PPP1R1C: variants seen among roughly 807,000 people sequenced by gnomAD.
PPP1R1C encodes protein phosphatase 1 regulatory inhibitor subunit 1C, also known as protein phosphatase 1 regulatory subunit 1C.
A neutral mutation model predicts 17.4 loss-of-function variants in PPP1R1C; 15 were observed. The ratio of observed to expected loss-of-function variants is 0.86; its 90% confidence interval spans 0.58 to 1.33. The LOEUF is 1.33. Ranked by LOEUF, PPP1R1C falls within the 40% of genes most tolerant of loss-of-function variation. The pLI is 0.00. For synonymous variants in PPP1R1C, 35 were observed against 43.1 expected (o/e 0.81, Z 0.73); for missense variants, 143 against 130.0 (o/e 1.10, Z -0.48).
chr2:182,018,144 A>G (rs1258237134), intron 2 of PPP1R1C, among the ~76,000 whole-genome samples: 2 of 152,204 alleles, frequency 1.3e-5, no homozygotes, highest in East Asian at 3.8e-4. Flanking sequence ...ACTTTATACT[A>G]TAAAGCTCTC....
chr2:182,026,686 A>G (rs1377943540), intron 2 of PPP1R1C, among the ~76,000 whole-genome samples: 27 of 152,230 alleles, frequency 1.8e-4, no homozygotes, highest in South Asian at 8.3e-4. Flanking sequence ...TTGACTTGGC[A>G]ATGCGGGCTC....
At chr2:181,984,714 T>A (rs1222405818), upstream of PPP1R1C, among the ~76,000 whole-genome samples, 2 of 152,186 alleles carry the variant, frequency 1.3e-5, no homozygotes, top group Non-Finnish European at 2.9e-5. Context: ...AATCAAAATT[T>A]AAAAAATAAA....
chr2:182,082,972 G>A (rs975107804), intron 4 of PPP1R1C, among the ~76,000 whole-genome samples: 1 of 152,090 alleles, frequency 6.6e-6, no homozygotes, highest in African/African-American at 2.4e-5. Flanking sequence ...CAGATATTTG[G>A]GAACACTGTT....
intron 4 of PPP1R1C, among the ~76,000 whole-genome samples, chr2:182,092,103 A>T (rs1453313322): frequency 6.6e-6 from 1 of 152,204 alleles, no homozygotes. Flanking sequence ...AGAGTGTATT[A>T]GTCCGTTTTC....
chr2:182,007,889 C>G (rs572132973), intron 2 of PPP1R1C, among the ~76,000 whole-genome samples: 1 of 151,996 alleles, frequency 6.6e-6, no homozygotes, highest in African/African-American at 2.4e-5. Context: ...GGTGAAACCC[C>G]GTCTCTGCTA....
chr2:182,001,303 AT>A (rs1379205801), intron 2 of PPP1R1C, among the ~76,000 whole-genome samples: 1 of 152,112 alleles, frequency 6.6e-6, no homozygotes, highest in Non-Finnish European at 1.5e-5. Context: ...CATAATAATG[AT>A]TTTGGGACTT....
intron 2 of PPP1R1C, among the ~76,000 whole-genome samples, chr2:182,017,413 C>T (rs1021455791): frequency 1.3e-5 from 2 of 151,982 alleles, no homozygotes; most frequent in Non-Finnish European, 2.9e-5. Context: ...TTTTATATAA[C>T]TTACTTCAAA....
chr2:182,109,569 C>T (rs1417011713), intron 4 of PPP1R1C, among the ~76,000 whole-genome samples: 1 of 152,058 alleles, frequency 6.6e-6, no homozygotes, highest in Non-Finnish European at 1.5e-5. Flanking sequence ...ATGTGGATGT[C>T]CAGTTGTTCA....
chr2:182,021,321 CTTTTTTTTTTTTTT>C (rs71008205), intron 2 of PPP1R1C, among the ~76,000 whole-genome samples: 2 of 89,658 alleles, frequency 2.2e-5, no homozygotes, highest in Non-Finnish European at 2.2e-5. Context: ...CTCTCTCTCT[CTTTTTTTTTTTTTT>C]TTTTTTTTTT....
intron 2 of PPP1R1C, among the ~76,000 whole-genome samples, chr2:182,049,175 CAA>C (rs1687433353): frequency 6.6e-6 from 1 of 151,840 alleles, no homozygotes; most frequent in Non-Finnish European, 1.5e-5. Flanking sequence ...TCTACTAATA[CAA>C]AAGTGAGCTG....
chr2:182,028,122 C>G (rs1349145157), intron 2 of PPP1R1C, among the ~76,000 whole-genome samples: 1 of 139,656 alleles, frequency 7.2e-6, no homozygotes, highest in African/African-American at 2.7e-5. Context: ...CTTAGTCTTG[C>G]TAGCGGTCTA....
intron 2 of PPP1R1C, among the ~76,000 whole-genome samples, chr2:181,978,649 T>C (rs948026639): frequency 6.6e-6 from 1 of 152,134 alleles, no homozygotes; most frequent in African/African-American, 2.4e-5. Context: ...GGAGGGGTGT[T>C]ACACAGGAAC....
intron 2 of PPP1R1C, among the ~76,000 whole-genome samples, chr2:182,057,848 G>A (rs1687733361): frequency 6.6e-6 from 1 of 151,962 alleles, no homozygotes; most frequent in Non-Finnish European, 1.5e-5. Flanking sequence ...GCAGAATTCT[G>A]ACAGTAAGAA....
intron 4 of PPP1R1C, among the ~76,000 whole-genome samples, chr2:182,102,701 A>T (rs1436821631): frequency 6.6e-6 from 1 of 152,250 alleles, no homozygotes; most frequent in Admixed American, 6.5e-5. Context: ...TGTTTAAAAA[A>T]TTTTGTAACA....
At chr2:181,963,205 G>A (rs1684840527) in intron 1 of PPP1R1C, among the ~76,000 whole-genome samples, 1 of 152,104 alleles carries the variant, frequency 6.6e-6, no homozygotes, top group Non-Finnish European at 1.5e-5. Context: ...CCATAAACTT[G>A]CTAAATAAAT....
intron 4 of PPP1R1C, among the ~76,000 whole-genome samples, chr2:182,099,412 C>T (rs745933352): frequency 1.3e-5 from 2 of 152,202 alleles, no homozygotes; most frequent in South Asian, 4.2e-4. Context: ...CAAAGTCATC[C>T]CTCCTGCCCC....
In PPP1R1C at chr2:181,985,923, C is replaced by T. The variant is rs775414346; in HGVS notation, c.-188C>T. 7.7e-5 allele frequency: 47 copies of T among 611,566 alleles called. No individual in the cohort carries two copies. The highest frequency in any genetic ancestry group is 1.1e-4 in the Non-Finnish European group (37 of 342,512). 37.9% of individuals were successfully genotyped at this position (611,566 alleles called of 1,614,324 possible). A position where few individuals can be genotyped will look rare whatever the true frequency, so the allele number is the denominator to read the frequency against. ...GGGGAACAGGCAAGCCAGGCATCAC[C>T]GTGGATGTTGAAGAAGGGGGTTACT... On this transcript the variant is annotated 5_prime_UTR_variant, in exon 1 of 5. Coordinates refer to ENST00000682840, the MANE Select transcript of PPP1R1C (RefSeq NM_001080545.3). This position sits in a 1 kb window ranked among gnomAD's most constrained non-coding sequence, Gnocchi z 4.1.
At chr2:182,050,120 T>A (rs1276720315) in intron 2 of PPP1R1C, among the ~76,000 whole-genome samples, 1 of 152,228 alleles carries the variant, frequency 6.6e-6, no homozygotes, top group Non-Finnish European at 1.5e-5. Flanking sequence ...TTAAACAATA[T>A]CATTGGCCTG....
intron 3 of PPP1R1C, among the ~76,000 whole-genome samples, chr2:182,063,488 T>C (rs937470956): frequency 1.3e-5 from 2 of 152,060 alleles, no homozygotes; most frequent in South Asian, 2.1e-4. Flanking sequence ...AGTAAAATGA[T>C]TTCAAGGCTG....
Sources: allele counts gnomAD v4.1 joint callset (sites outside exome capture counted in the v4.1 genomes callset), GRCh38; gene constraint gnomAD v4.1.1; non-coding constraint Gnocchi (gnomAD v3.1); transcripts MANE v1.5; gene names NCBI Gene and HGNC (gene_info 2026-07-23, HGNC 2026-07-21).